The following GPC5 variants were observed in gnomAD, a reference collection of about 807,000 sequenced individuals.
GPC5 encodes the protein glypican 5.
A neutral mutation model predicts 53.9 loss-of-function variants in GPC5; 47 were observed. The ratio of observed to expected loss-of-function variants is 0.87; its 90% CI spans 0.69 to 1.11. GPC5 has a LOEUF of 1.11. Ranked by LOEUF, GPC5 falls within the 50% of genes most tolerant of loss-of-function variation. The pLI, the probability that GPC5 is intolerant of heterozygous loss-of-function variation, is 0.00. For missense variants in GPC5, 748 were observed against 713.1 expected, an observed-to-expected ratio of 1.05 and a Z score of -0.56; for synonymous variants, 286 against 263.3, an observed-to-expected ratio of 1.09 and a Z score of -0.84.
chr13:92,335,141 C>A (rs1447665034), intron 7 of GPC5, among the ~76,000 whole-genome samples: 8 of 152,110 alleles, frequency 5.3e-5, no homozygotes, highest in Admixed American at 5.2e-4. Flanking sequence ...AGAGTTCCAC[C>A]CCTGCAACAC....
intron 1 of GPC5, among the ~76,000 whole-genome samples, chr13:91,432,751 A>G (rs1879597506): frequency 6.6e-6 from 1 of 152,216 alleles, no homozygotes; most frequent in African/African-American, 2.4e-5. Flanking sequence ...CAAATCTCTA[A>G]ATTACAGCAG....
At position 91,439,320 on chromosome 13, in the gene GPC5, G is replaced by A. The variant is rs28583407; in HGVS notation, c.164-9441G>A. On this transcript the variant is annotated intron_variant, in intron 1 of 7. Coordinates refer to ENST00000377067, the MANE Select transcript of GPC5 (RefSeq NM_004466.6). ...TGCTGCTAAGCATCTTGCTGGGTTC[G>A]AGACAGCTCCCTGAGAAAAAAAAGA... Among the ~76,000 whole-genome samples the A allele has an allele frequency of 7.5e-3, 1,146 of 152,298 alleles. 20 individuals are homozygous for A. In the South Asian group the frequency reaches 0.079, roughly 11 times the overall value.
intron 7 of GPC5, among the ~76,000 whole-genome samples, chr13:92,383,113 C>T (rs1324033351): frequency 2.0e-5 from 3 of 151,852 alleles, no homozygotes; most frequent in Non-Finnish European, 4.4e-5. Context: ...AGGACAATCT[C>T]ATATTAATAT....
chr13:92,245,564 C>CT (rs2042644558), intron 7 of GPC5, among the ~76,000 whole-genome samples: 1 of 152,008 alleles, frequency 6.6e-6, no homozygotes, highest in African/African-American at 2.4e-5. Flanking sequence ...ACCTTAGTTT[C>CT]TTTATACAGA....
Position 91,503,746 on chromosome 13 carries a change from C to T in GPC5, c.325+54824C>T, listed in dbSNP as rs1477162765. On this transcript the variant is annotated intron_variant, in intron 2 of 7. Coordinates refer to ENST00000377067, the MANE Select transcript of GPC5 (RefSeq NM_004466.6). Reference sequence around the variant, plus strand: ...AGTGAGCCAAGATCATACCATTGCACTCCAGCCTGGGGACAGAGTGAGACT... The same window carrying T: ...AGTGAGCCAAGATCATACCATTGCATTCCAGCCTGGGGACAGAGTGAGACT... Among the ~76,000 whole-genome samples, 4 of 149,312 alleles carry T rather than the reference C, an allele frequency of 2.7e-5. No individual in the cohort carries two copies. The East Asian group carries it at 7.9e-4, about 29-fold the overall frequency.
At chr13:92,416,916 T>TGTAA (rs1192153314) in intron 7 of GPC5, among the ~76,000 whole-genome samples, 1 of 152,158 alleles carries the variant, frequency 6.6e-6, no homozygotes, top group Non-Finnish European at 1.5e-5. Flanking sequence ...TACATACAGA[T>TGTAA]GTAAATACAG....
intron 3 of GPC5, among the ~76,000 whole-genome samples, chr13:91,722,830 G>C (rs761676668): frequency 6.6e-6 from 1 of 152,178 alleles, no homozygotes; most frequent in Non-Finnish European, 1.5e-5. Flanking sequence ...AGCAGAGATA[G>C]TATGTGTTTC....
At position 92,855,251 on chromosome 13, in the gene GPC5, T is replaced by C. The variant is rs140754754; in HGVS notation, c.1562-11031T>C. ...CTTCTTGACTTCTATTAAATGTCAT[T>C]AATACTCTTTTCCTCAGTGGATTAG... On this transcript the variant is annotated intron_variant, in intron 7 of 7. Transcript: ENST00000377067. Among the ~76,000 whole-genome samples, 171 of 152,140 alleles carry C rather than the reference T, an allele frequency of 1.1e-3. 1 individual carries two copies. The highest frequency in any genetic ancestry group is 4.0e-3 in the African/African-American group (168 of 41,542).
Position 91,505,420 on chromosome 13 carries a change from G to A in GPC5, c.325+56498G>A, listed in dbSNP as rs9589263. Among the ~76,000 whole-genome samples the A allele has an allele frequency of 6.0e-3, 912 of 152,310 alleles. 9 individuals carry two copies. Among genetic ancestry groups the A allele is most frequent in the African/African-American group, 0.021 (890 of 41,562 alleles). ...AAACCCAATTCCACCATCTGCAGAA[G>A]TCTAAGGCTCTTCCCCAAAATTTCT... On this transcript the variant is annotated intron_variant, in intron 2 of 7. Transcript: ENST00000377067.
At chr13:92,764,477 G>A (rs1875316248) in intron 7 of GPC5, among the ~76,000 whole-genome samples, 1 of 152,184 alleles carries the variant, frequency 6.6e-6, no homozygotes, top group Non-Finnish European at 1.5e-5. Flanking sequence ...TCCCTCAACT[G>A]GAATCAGTCC....
At chr13:92,313,270 T>C (rs1186188384) in intron 7 of GPC5, among the ~76,000 whole-genome samples, 1 of 152,158 alleles carries the variant, frequency 6.6e-6, no homozygotes, top group African/African-American at 2.4e-5. Flanking sequence ...TAGAACCTCA[T>C]GCCAGTTCTC....
At chr13:92,143,425 G>T (rs1405816996) in intron 6 of GPC5, among the ~76,000 whole-genome samples, 8 of 151,570 alleles carry the variant, frequency 5.3e-5, no homozygotes, top group Admixed American at 5.3e-4. Flanking sequence ...TTTCTTCATT[G>T]CTGTACTATC....
chr13:92,054,437 C>G (rs1333490187), intron 6 of GPC5, among the ~76,000 whole-genome samples: 1 of 152,096 alleles, frequency 6.6e-6, no homozygotes, highest in Non-Finnish European at 1.5e-5. Context: ...TACTGTGAAT[C>G]AGAAATTGTT....
At chr13:92,202,854 C>T (rs2042304799) in intron 7 of GPC5, among the ~76,000 whole-genome samples, 1 of 152,118 alleles carries the variant, frequency 6.6e-6, no homozygotes. Context: ...TCCATTATCT[C>T]CTAGGATAGC....
In GPC5 at chr13:91,955,215, T is replaced by C. The variant is rs531738560; in HGVS notation, c.1401+47158T>C. ...AATTTAATCTATGTGTGTTTATGTA[T>C]TTAAATTGGCAAGCAGATTCTAAAT... On this transcript the variant is annotated intron_variant, in intron 6 of 7. Transcript: ENST00000377067. Among the ~76,000 whole-genome samples, 203 of 152,298 alleles carry C rather than the reference T, an allele frequency of 1.3e-3. 1 individual carries two copies. The highest frequency in any genetic ancestry group is 4.5e-3 in the African/African-American group (188 of 41,568).
chr13:92,841,998 GATTAC>G (rs1413159617), intron 7 of GPC5, among the ~76,000 whole-genome samples: 3 of 152,046 alleles, frequency 2.0e-5, no homozygotes, highest in Non-Finnish European at 4.4e-5. Flanking sequence ...GCTTTCTCAA[GATTAC>G]TTCACAAGTG....
At chr13:91,423,633 A>G (rs925221438) in intron 1 of GPC5, among the ~76,000 whole-genome samples, 11 of 152,212 alleles carry the variant, frequency 7.2e-5, no homozygotes, top group African/African-American at 1.7e-4. Flanking sequence ...ACAACGTTTC[A>G]GTTAGGAGGA....
intron 3 of GPC5, among the ~76,000 whole-genome samples, chr13:91,713,273 C>T (rs755734288): frequency 6.6e-6 from 1 of 152,016 alleles, no homozygotes; most frequent in Non-Finnish European, 1.5e-5. Flanking sequence ...AAAATGAAGC[C>T]ACTAAACTTA....
intron 7 of GPC5, among the ~76,000 whole-genome samples, chr13:92,266,169 T>C (rs1232585455): frequency 6.6e-6 from 1 of 152,188 alleles, no homozygotes; most frequent in Non-Finnish European, 1.5e-5. Context: ...ATTTAAAGCA[T>C]AACTGGGTTC....
Sources: allele counts gnomAD v4.1 joint callset (sites outside exome capture counted in the v4.1 genomes callset), GRCh38; gene constraint gnomAD v4.1.1; transcripts MANE v1.5; gene names NCBI Gene and HGNC (gene_info 2026-07-23, HGNC 2026-07-21).